Variants in ZNF302 observed in about 807,000 individuals in gnomAD.
ZNF302 encodes zinc finger protein 302.
ZNF302 carries 12 observed loss-of-function variants against 10.8 expected under a neutral mutation model. The ratio of observed to expected loss-of-function variants is 1.11; its 90% CI spans 0.71 to 1.79. The LOEUF is 1.79. ZNF302 is among the 40% of genes most tolerant of loss of function. The pLI, the probability that ZNF302 is intolerant of heterozygous loss-of-function variation, is 0.00. For synonymous variants in ZNF302, 178 were observed against 157.5 expected (o/e 1.13, Z -0.98); for missense variants, 461 against 471.1 (o/e 0.98, Z 0.20).
chr19:34,684,301 T>C lies in ZNF302; in HGVS notation c.264T>C (p.Ile88=), dbSNP rs772594045. Reference sequence around the variant, plus strand: ...AGGAATTATCAACAAAGAAGGATATTTATGATGAAGATTCACCCCAACCAG... The same window carrying C: ...AGGAATTATCAACAAAGAAGGATATCTATGATGAAGATTCACCCCAACCAG... ...ENKELSTKKD[I]YDEDSPQPVT... Residue 88 remains isoleucine, a synonymous_variant, in exon 5 of 5, where the codon ATT becomes ATC. Coordinates refer to ENST00000505242, the MANE Select transcript of ZNF302 (RefSeq NM_001289187.2). 6.3e-7 allele frequency: 1 copy of C among 1,577,904 alleles called. No individual in the cohort carries two copies. Among genetic ancestry groups the C allele is most frequent in the Admixed American group, 2.0e-5 (1 of 50,972 alleles).
chr19:34,678,691 G>C lies in ZNF302; in HGVS notation c.-68-46G>C, dbSNP rs956487574. The C allele has an allele frequency of 4.1e-6, 5 of 1,223,086 alleles. No individual in the cohort carries two copies. The African/African-American group carries it at 6.0e-5, about 15-fold the overall frequency. 75.8% of individuals were successfully genotyped at this position (1,223,086 alleles called of 1,614,324 possible). A position where few individuals can be genotyped will look rare whatever the true frequency, so the allele number is the denominator to read the frequency against. ...GTGTGTGACAGGTGCCGCAAGATAA[G>C]CCCGATTTTTCATGACTGCTTTTTC... On this transcript the variant is annotated intron_variant, in intron 1 of 4. Transcript: ENST00000505242.
rs746362066 is a variant in ZNF302 at position 34,678,755 on chromosome 19, G to A, written c.-50G>A. 6.2e-7 allele frequency: 1 copy of A among 1,613,024 alleles called. No individual in the cohort carries two copies. Among genetic ancestry groups the A allele is most frequent in the Non-Finnish European group, 8.5e-7 (1 of 1,179,180 alleles). On this transcript the variant is annotated 5_prime_UTR_variant, in exon 2 of 5. Transcript: ENST00000505242. ...CCCTCAGGACACTGCCCATCTCTAA[G>A]ATAAGAACCTGGAAAGGGGACTCTG...
At chr19:34,683,861 G>T in intron 4 of ZNF302, 1 of 746,204 alleles carries the variant, frequency 1.3e-6, no homozygotes. Context: ...GGAAAAAAAG[G>T]CTATGAAACA....
At chr19:34,678,491 A>G (rs2068118581) in intron 1 of ZNF302, among the ~76,000 whole-genome samples, 1 of 152,024 alleles carries the variant, frequency 6.6e-6, no homozygotes, top group Non-Finnish European at 1.5e-5. Flanking sequence ...AGTGGTGAAG[A>G]CTGAACGAGC....
intron 2 of ZNF302, chr19:34,680,052 G>C: frequency 1.5e-6 from 1 of 651,086 alleles, no homozygotes; most frequent in Admixed American, 2.2e-5. Context: ...GTGCATGCCT[G>C]TTGTCCCAGT....
At position 34,684,490 on chromosome 19, in the gene ZNF302, A is replaced by C; in HGVS notation, c.453A>C (p.Ile151=). The stretch of plus-strand genomic sequence containing the variant: ...AAGGGAATTCACACAAATATGATAT[A>C]TTAAAGAAGAATTTATCAAAAAAGT... The part of the protein sequence containing the change: ...SAEGNSHKYD[I]LKKNLSKKSV... The change falls in exon 5 of 5, where the codon ATA becomes ATC. Residue 151 remains isoleucine (I), a synonymous_variant. Transcript: ENST00000505242. The C allele has an allele frequency of 1.2e-6, 2 of 1,612,726 alleles. No homozygotes were observed. The highest frequency in any genetic ancestry group is 1.7e-6 in the Non-Finnish European group (2 of 1,179,250).
At position 34,685,209 on chromosome 19, in the gene ZNF302, A is replaced by G. The variant is rs1261759292; in HGVS notation, c.1172A>G (p.His391Arg). 3.4e-5 allele frequency: 54 copies of G among 1,611,586 alleles called. No individual in the cohort carries two copies. The highest frequency in any genetic ancestry group is 4.3e-5 in the Non-Finnish European group (51 of 1,178,836). ...FSFLVQHQSIHTEEKPFEV is the reference protein window; with the variant it reads ...FSFLVQHQSIRTEEKPFEV ...TTTCTTGTTCAACATCAGAGTATTC[A>G]TACTGAAGAAAAACCGTTTGAAGTT... is the stretch of plus-strand genomic sequence containing the variant. Residue 391 changes from histidine (H) to arginine (R), a missense_variant, in exon 5 of 5, where the codon CAT (histidine) becomes CGT (arginine). His to Arg is a conservative substitution (Grantham distance 29). Transcript: ENST00000505242.
chr19:34,677,491 A>G (rs1278667825), upstream of ZNF302: 22 of 152,320 alleles, frequency 1.4e-4, no homozygotes, highest in Admixed American at 9.2e-4. Flanking sequence ...CTCTAGGTCG[A>G]CGGCCCCAGG....
Position 34,684,967 on chromosome 19 carries a change from A to G in ZNF302, c.930A>G (p.Glu310=). The change falls in exon 5 of 5, where the codon GAA becomes GAG. Residue 310 remains glutamate, a synonymous_variant. Transcript: ENST00000505242. ...LIQHLRIHTQ[E]KRYECRICGK... is the part of the protein sequence containing the mutation. Reference sequence around the variant, plus strand: ...AGCATCTAAGAATTCATACGCAAGAAAAACGCTATGAGTGTCGTATATGTG... The same window carrying G: ...AGCATCTAAGAATTCATACGCAAGAGAAACGCTATGAGTGTCGTATATGTG... 1.9e-6 allele frequency: 3 copies of G among 1,614,082 alleles called. No individual in the cohort carries two copies. The highest frequency in any genetic ancestry group is 2.5e-6 in the Non-Finnish European group (3 of 1,179,970).
chr19:34,683,870 C>A, intron 4 of ZNF302: 3 of 878,180 alleles, frequency 3.4e-6, no homozygotes, highest in East Asian at 3.2e-5. Context: ...GGCTATGAAA[C>A]AAAATGCAAC....
upstream of ZNF302, chr19:34,676,973 C>T (rs2067977553): frequency 6.6e-6 from 1 of 152,098 alleles, no homozygotes; most frequent in Non-Finnish European, 1.5e-5. Context: ...TCTCCATCCT[C>T]CCAGTGCTCA....
rs2068620535 is a variant in ZNF302 at position 34,685,599 on chromosome 19, T to C, written c.*362T>C. On this transcript the variant is annotated 3_prime_UTR_variant, in exon 5 of 5. Transcript: ENST00000505242. Reference sequence around the variant, plus strand: ...AGTGTGGAAAAGCCTTTAGATCATATGAATCCCTATACATGTGAGAAATCT... The same window carrying C: ...AGTGTGGAAAAGCCTTTAGATCATACGAATCCCTATACATGTGAGAAATCT... 12 of 1,246,182 alleles carry C rather than the reference T, an allele frequency of 9.6e-6. No homozygotes were observed. The highest frequency in any genetic ancestry group is 3.6e-5 in the South Asian group (3 of 82,656). The allele number at this position is 1,246,182 out of a possible 1,614,324, so 77.2% of individuals were successfully genotyped here.
At chr19:34,678,431 C>CAGA (rs370714111) in intron 1 of ZNF302, among the ~76,000 whole-genome samples, 1 of 115,286 alleles carries the variant, frequency 8.7e-6, no homozygotes, top group Non-Finnish European at 1.7e-5. Context: ...GACTCCGTCT[C>CAGA]AAAAAAAAAA....
chr19:34,677,472 G>A (rs181544997), upstream of ZNF302: 1 of 152,310 alleles, frequency 6.6e-6, no homozygotes, highest in Non-Finnish European at 1.5e-5. Flanking sequence ...CATGGTCCTA[G>A]CTGGCCGGCT....
At chr19:34,676,032 G>C (rs1198102501), upstream of ZNF302, 1 of 152,222 alleles carries the variant, frequency 6.6e-6, no homozygotes, top group African/African-American at 2.4e-5. Context: ...ACCCCAGCGC[G>C]GTTGCCGCTG....
chr19:34,685,212 C>A lies in ZNF302; in HGVS notation c.1175C>A (p.Thr392Asn), dbSNP rs759048772. The change falls in exon 5 of 5, where the codon ACT becomes AAT. Residue 392 changes from threonine to asparagine, a missense_variant. By Grantham distance (65) the Thr-to-Asn change is moderately conservative. Coordinates refer to ENST00000505242, the MANE Select transcript of ZNF302 (RefSeq NM_001289187.2). ...CTTGTTCAACATCAGAGTATTCATA[C>A]TGAAGAAAAACCGTTTGAAGTTTAG... ...SFLVQHQSIHTEEKPFEV is the reference protein window; with the variant it reads ...SFLVQHQSIHNEEKPFEV The A allele has an allele frequency of 1.2e-6, 2 of 1,611,498 alleles. 1 individual carries two copies. The highest frequency in any genetic ancestry group is 2.2e-5 in the South Asian group (2 of 90,664).
intron 1 of ZNF302, 77 bp from the exon 2 acceptor site, chr19:34,678,660 A>G (rs1350635710): frequency 5.2e-6 from 4 of 766,894 alleles, no homozygotes; most frequent in African/African-American, 5.2e-5. Flanking sequence ...GTGCTTTTCC[A>G]TTAAGGTGTG....
At chr19:34,678,897 CT>C (rs1248053011) in intron 2 of ZNF302, 84 bp downstream of exon 2, 2 of 1,528,918 alleles carry the variant, frequency 1.3e-6, no homozygotes, top group African/African-American at 2.7e-5. Flanking sequence ...CTGTTCCCAC[CT>C]AATCAAGTCC....
At chr19:34,682,456 C>T (rs2068404054) in intron 2 of ZNF302, 2 of 218,788 alleles carry the variant, frequency 9.1e-6, no homozygotes, top group South Asian at 1.5e-4. Flanking sequence ...AAATACTTGA[C>T]TCTGTGCTGT....
Sources: allele counts gnomAD v4.1 joint callset (sites outside exome capture counted in the v4.1 genomes callset), GRCh38; gene constraint gnomAD v4.1.1; transcripts MANE v1.5; gene names NCBI Gene and HGNC (gene_info 2026-07-23, HGNC 2026-07-21).